The following BIVM variants were observed in gnomAD, a reference collection of about 807,000 sequenced individuals.
BIVM encodes the protein basic, immunoglobulin-like variable motif containing, also known as basic immunoglobulin-like variable motif-containing protein.
A neutral mutation model predicts 61.4 loss-of-function variants in BIVM; 31 were observed. That is an observed-to-expected ratio of 0.51 (90% CI 0.38 to 0.68). The LOEUF (loss-of-function observed/expected upper bound fraction) is 0.68. Ranked by LOEUF, BIVM falls within the 30% of genes least tolerant of loss-of-function variation. The probability of loss-of-function intolerance (pLI) is 0.00; values close to 1 mark genes in which losing one functional copy is unlikely to be tolerated. For synonymous variants in BIVM, 189 were observed against 210.7 expected (o/e 0.90, Z 0.89); for missense variants, 526 against 596.0 (o/e 0.88, Z 1.22).
intron 7 of BIVM, among the ~76,000 whole-genome samples, chr13:102,822,514 T>C (rs2139208689): frequency 6.6e-6 from 1 of 152,304 alleles, no homozygotes; most frequent in African/African-American, 2.4e-5. Flanking sequence ...GGAAGCAGCA[T>C]GGAGTTAGCA....
intron 7 of BIVM, among the ~76,000 whole-genome samples, chr13:102,827,423 T>G (rs1880750136): frequency 6.7e-6 from 1 of 148,768 alleles, no homozygotes; most frequent in African/African-American, 2.5e-5. Context: ...TGAGTAAGTT[T>G]TAATATATTT....
intron 1 of BIVM, among the ~76,000 whole-genome samples, chr13:102,803,521 C>A (rs1198165163): frequency 6.6e-6 from 1 of 151,900 alleles, no homozygotes; most frequent in Non-Finnish European, 1.5e-5. Context: ...AAATCAAATC[C>A]CTACACTGTC....
At chr13:102,829,650 C>T (rs372450242) in intron 7 of BIVM, among the ~76,000 whole-genome samples, 32 of 151,958 alleles carry the variant, frequency 2.1e-4, no homozygotes, top group African/African-American at 7.5e-4. Context: ...ACCAGCCTGG[C>T]CAACATAGTG....
At chr13:102,836,503 A>G (rs1881484164) in intron 9 of BIVM, among the ~76,000 whole-genome samples, 1 of 152,130 alleles carries the variant, frequency 6.6e-6, no homozygotes, top group Non-Finnish European at 1.5e-5. Context: ...TTGTAGAGAC[A>G]GAGTCTTGCT....
intron 3 of BIVM, among the ~76,000 whole-genome samples, chr13:102,810,322 T>G (rs988157697): frequency 6.6e-6 from 1 of 152,264 alleles, no homozygotes; most frequent in African/African-American, 2.4e-5. Flanking sequence ...TTTCAGCCTA[T>G]TTGTATCTCT....
intron 9 of BIVM, among the ~76,000 whole-genome samples, chr13:102,835,454 G>T (rs1388728350): frequency 6.6e-6 from 1 of 152,096 alleles, no homozygotes; most frequent in African/African-American, 2.4e-5. Context: ...ATACCCCTTG[G>T]CAGTCACTCC....
At chr13:102,804,611 C>T (rs1408475003) in intron 1 of BIVM, among the ~76,000 whole-genome samples, 1 of 151,572 alleles carries the variant, frequency 6.6e-6, no homozygotes. Context: ...GCACCCGGCC[C>T]TTACTGTCTG....
At chr13:102,817,948 C>CT in intron 4 of BIVM, among the ~76,000 whole-genome samples, 1 of 152,274 alleles carries the variant, frequency 6.6e-6, no homozygotes, top group Non-Finnish European at 1.5e-5. Context: ...ACAACATTGT[C>CT]TTTGTTTTCC....
intron 4 of BIVM, among the ~76,000 whole-genome samples, chr13:102,820,167 C>T (rs1880150420): frequency 6.6e-6 from 1 of 152,080 alleles, no homozygotes; most frequent in African/African-American, 2.4e-5. Flanking sequence ...TCCTGGCCAA[C>T]ATAGTGAAAC....
At chr13:102,828,957 G>A (rs1880867434) in intron 7 of BIVM, among the ~76,000 whole-genome samples, 1 of 151,730 alleles carries the variant, frequency 6.6e-6, no homozygotes, top group Non-Finnish European at 1.5e-5. Flanking sequence ...TTGAACCCGG[G>A]AGGTGGAGGT....
intron 3 of BIVM, among the ~76,000 whole-genome samples, chr13:102,812,171 A>G (rs1879543655): frequency 6.6e-6 from 1 of 151,950 alleles, no homozygotes; most frequent in Admixed American, 6.6e-5. Flanking sequence ...GAATCACTCT[A>G]GTGAGTTTTT....
chr13:102,816,371 T>C (rs890720715), intron 3 of BIVM, 57 bp from the exon 4 acceptor site: 3 of 1,447,454 alleles, frequency 2.1e-6, no homozygotes, highest in Non-Finnish European at 2.7e-6. Context: ...TTAATTTTTG[T>C]CATTTCAGTT....
chr13:102,821,623 A>G, intron 5 of BIVM, 120 bp from the exon 6 acceptor site: 1 of 825,662 alleles, frequency 1.2e-6, no homozygotes, highest in Non-Finnish European at 1.7e-6. Flanking sequence ...ATAAAATAAA[A>G]TAATGAAAAA....
rs1473372878 is a variant in BIVM at position 102,831,709 on chromosome 13, C to T, written c.1034+12C>T. The T allele has an allele frequency of 6.2e-7, 1 of 1,613,772 alleles. No individual in the cohort carries two copies. The highest frequency in any genetic ancestry group is 1.3e-5 in the African/African-American group (1 of 74,838). On this transcript the variant is annotated intron_variant, in intron 8 of 10. Transcript: ENST00000257336. ...AATAAAGCATTCAGGTAAGCATTGA[C>T]GTGTTTTAGAAAGTGCATTTTAAGA...
intron 3 of BIVM, among the ~76,000 whole-genome samples, chr13:102,808,463 T>G (rs1308904219): frequency 6.6e-6 from 1 of 152,206 alleles, no homozygotes; most frequent in Admixed American, 6.5e-5. Flanking sequence ...TTGTATTTAC[T>G]TCTAGTCTTC....
intron 10 of BIVM, 68 bp downstream of exon 10, chr13:102,838,807 C>T (rs1881649587): frequency 7.0e-7 from 1 of 1,422,248 alleles, no homozygotes; most frequent in Admixed American, 2.1e-5. Context: ...TTACTTAGCA[C>T]TCTTTAGGTT....
In BIVM at chr13:102,827,275, C is replaced by CTT. The variant is rs34135564; in HGVS notation, c.902-4276_902-4275dup. Among the ~76,000 whole-genome samples, 1,778 of 139,344 alleles carry CTT rather than the reference C, an allele frequency of 0.013. 74 individuals are homozygous for CTT. The East Asian group carries it at 0.14, about 11-fold the overall frequency. 91.4% of individuals were successfully genotyped at this position (139,344 alleles called of 152,430 possible). A position where few individuals can be genotyped will look rare whatever the true frequency, so the allele number is the denominator to read the frequency against. ...GATGTGTAGCATTGGGTCCCAATGA[C>CTT]TTTTTTTTTTTTTTTAACCTATTTG... On this transcript the variant is annotated intron_variant, in intron 7 of 10. Coordinates refer to ENST00000257336, the MANE Select transcript of BIVM (RefSeq NM_017693.4).
chr13:102,824,950 A>AT (rs1555322766), intron 7 of BIVM, among the ~76,000 whole-genome samples: 51,595 of 147,568 alleles, frequency 0.35, 9,250 homozygotes, highest in African/African-American at 0.43. Context: ...TAATTAATTA[A>AT]TTTTTTTTTT....
chr13:102,815,688 A>G (rs1329637646), intron 3 of BIVM, among the ~76,000 whole-genome samples: 1 of 152,192 alleles, frequency 6.6e-6, no homozygotes, highest in Non-Finnish European at 1.5e-5. Context: ...CCTTTTGTCT[A>G]GCTCCCAATT....
Sources: allele counts gnomAD v4.1 joint callset (sites outside exome capture counted in the v4.1 genomes callset), GRCh38; gene constraint gnomAD v4.1.1; transcripts MANE v1.5; gene names NCBI Gene and HGNC (gene_info 2026-07-23, HGNC 2026-07-21).